MARCHF4: variants seen among roughly 807,000 people sequenced by gnomAD.
MARCHF4 encodes the protein membrane associated ring-CH-type finger 4.
In MARCHF4, 14 loss-of-function variants were observed where a neutral mutation model predicts 43.9. The observed-to-expected ratio is 0.32, with a 90% CI of 0.21 to 0.50. MARCHF4 has a LOEUF of 0.50. Ranked by LOEUF, MARCHF4 falls within the 20% of genes least tolerant of loss-of-function variation. MARCHF4 has a pLI of 0.98. For missense variants in MARCHF4, 468 were observed against 536.7 expected, an observed-to-expected ratio of 0.87 and a Z score of 1.27; for synonymous variants, 226 against 213.3, an observed-to-expected ratio of 1.06 and a Z score of -0.52.
intron 1 of MARCHF4, among the ~76,000 whole-genome samples, chr2:216,364,190 G>T (rs1692630758): frequency 6.6e-6 from 1 of 152,034 alleles, no homozygotes; most frequent in African/African-American, 2.4e-5. Flanking sequence ...CACACCTTTG[G>T]CATTTGACAC....
At chr2:216,288,732 G>A (rs1004152903) in intron 1 of MARCHF4, among the ~76,000 whole-genome samples, 1 of 152,104 alleles carries the variant, frequency 6.6e-6, no homozygotes, top group African/African-American at 2.4e-5. Flanking sequence ...GGTTGTGATG[G>A]AGGTGGTGGG....
chr2:216,259,704 CAG>C (rs1690710697), intron 3 of MARCHF4, 25 bp from the exon 4 acceptor site: 2 of 1,605,820 alleles, frequency 1.2e-6, no homozygotes, highest in East Asian at 2.2e-5. Flanking sequence ...AGAGGAGAAA[CAG>C]AGGCCAAATG....
intron 1 of MARCHF4, among the ~76,000 whole-genome samples, chr2:216,312,949 C>G (rs1691714361): frequency 6.6e-6 from 1 of 152,034 alleles, no homozygotes; most frequent in African/African-American, 2.4e-5. Context: ...ATTGTAAATT[C>G]TCTGCCTAGA....
At chr2:216,282,019 C>G (rs1184697135) in intron 2 of MARCHF4, among the ~76,000 whole-genome samples, 1 of 152,126 alleles carries the variant, frequency 6.6e-6, no homozygotes, top group Non-Finnish European at 1.5e-5. Context: ...CTGATCCTTT[C>G]TTGAGGCTTG....
chr2:216,311,385 G>C (rs1366289155), intron 1 of MARCHF4, among the ~76,000 whole-genome samples: 4 of 152,068 alleles, frequency 2.6e-5, no homozygotes, highest in Non-Finnish European at 5.9e-5. Context: ...ATCCTCCTGA[G>C]TAGCTGGGAT....
At chr2:216,350,082 C>T (rs1489261740) in intron 1 of MARCHF4, among the ~76,000 whole-genome samples, 2 of 152,130 alleles carry the variant, frequency 1.3e-5, no homozygotes, top group East Asian at 3.8e-4. Flanking sequence ...TGTGATACAA[C>T]ATGACCTCAC....
rs185058230 is a variant in MARCHF4, at chr2:216,282,886, C to T, written c.672+688G>A. 2.6e-5 allele frequency among the ~76,000 whole-genome samples: 4 copies of T among 152,302 alleles called. No homozygotes were observed. The East Asian group carries it at 5.8e-4, about 22-fold the overall frequency. On this transcript the variant is annotated intron_variant, in intron 2 of 3. Transcript: ENST00000273067. ...CTCTTATTCCCATTTTTCTCTGCCTCCCTCTCCTGTTTCTTCTGTTTTTCC... is the reference window on the plus strand; with the variant it reads ...CTCTTATTCCCATTTTTCTCTGCCTTCCTCTCCTGTTTCTTCTGTTTTTCC...
chr2:216,263,647 G>A (rs1690795270), intron 3 of MARCHF4, among the ~76,000 whole-genome samples: 1 of 152,154 alleles, frequency 6.6e-6, no homozygotes, highest in African/African-American at 2.4e-5. Context: ...AGAAGTAGTT[G>A]CGAGTGGTAA....
chr2:216,290,249 A>G (rs1324704133), intron 1 of MARCHF4, among the ~76,000 whole-genome samples: 1 of 152,156 alleles, frequency 6.6e-6, no homozygotes, highest in Non-Finnish European at 1.5e-5. Flanking sequence ...CAATGGAGGT[A>G]TTTGAGTGAA....
chr2:216,316,506 G>A (rs1269570075), intron 1 of MARCHF4, among the ~76,000 whole-genome samples: 1 of 152,152 alleles, frequency 6.6e-6, no homozygotes, highest in Non-Finnish European at 1.5e-5. Context: ...AGTGGAAGAA[G>A]GAAATTTCAT....
At chr2:216,289,564 T>C (rs886837429) in intron 1 of MARCHF4, among the ~76,000 whole-genome samples, 52 of 152,326 alleles carry the variant, frequency 3.4e-4, no homozygotes, top group African/African-American at 1.2e-3. Flanking sequence ...TCTCCATTTA[T>C]AGATTTCTTT....
chr2:216,260,853 A>G (rs56037542), intron 3 of MARCHF4, among the ~76,000 whole-genome samples: 24,938 of 152,188 alleles, frequency 0.16, 2,246 homozygotes, highest in South Asian at 0.27. Flanking sequence ...GGAAGCAGTG[A>G]TGTCATGCGG....
Position 216,289,236 on chromosome 2 carries a change from C to T in MARCHF4, c.517-5507G>A, listed in dbSNP as rs537551409. The stretch of plus-strand genomic sequence containing the variant: ...TTTGCCCTTTGTTTTCTTCCCCACC[C>T]GCCCCCCACCCAAGTTGCTGCCCAT... On this transcript the variant is annotated intron_variant, in intron 1 of 3. Coordinates refer to ENST00000273067, the MANE Select transcript of MARCHF4 (RefSeq NM_020814.3). 1.3e-4 allele frequency among the ~76,000 whole-genome samples: 17 copies of T among 128,532 alleles called. No individual in the cohort carries two copies. The East Asian group carries it at 1.6e-3, about 12-fold the overall frequency. The allele number at this position is 128,532 out of a possible 152,430, so 84.3% of individuals were successfully genotyped here.
chr2:216,259,679 C>T lies in MARCHF4; in HGVS notation c.866G>A (p.Gly289Asp), dbSNP rs1386800704. ...MYGFMDVVCI[G>D]LIIHEGPSVY... Reference sequence around the variant, plus strand: ...CGAGGGTCCTTCATGGATGATGAGACCTGAGGCAGCAGGGAGAGGAGAAAC... The same window carrying T: ...CGAGGGTCCTTCATGGATGATGAGATCTGAGGCAGCAGGGAGAGGAGAAAC... Residue 289 changes from glycine to aspartate, a missense_variant and splice_region_variant, in exon 4 of 4, where the codon GGT becomes GAT. By Grantham distance (94) the Gly-to-Asp change is moderately conservative. Coordinates refer to ENST00000273067, the MANE Select transcript of MARCHF4 (RefSeq NM_020814.3). 6.2e-7 allele frequency: 1 copy of T among 1,611,884 alleles called. No homozygotes were observed. Among genetic ancestry groups the T allele is most frequent in the Admixed American group, 1.7e-5 (1 of 59,978 alleles).
chr2:216,277,540 T>G, intron 3 of MARCHF4, 132 bp downstream of exon 3: 1 of 921,756 alleles, frequency 1.1e-6, no homozygotes. Flanking sequence ...CTCTGGCCTC[T>G]CCTGAGCTCC....
intron 3 of MARCHF4, chr2:216,265,599 AT>A (rs979936193): frequency 6.6e-6 from 1 of 151,554 alleles, no homozygotes; most frequent in Non-Finnish European, 1.5e-5. Flanking sequence ...GGTTCAAGTG[AT>A]TCTCCCGCCT....
chr2:216,293,914 G>A (rs1458733213), intron 1 of MARCHF4, among the ~76,000 whole-genome samples: 1 of 95,502 alleles, frequency 1.0e-5, no homozygotes, highest in Admixed American at 1.1e-4. Context: ...AATCATATCT[G>A]TATTTCTAAT....
intron 1 of MARCHF4, among the ~76,000 whole-genome samples, chr2:216,320,913 T>C (rs2105963610): frequency 6.8e-6 from 1 of 147,382 alleles, no homozygotes; most frequent in African/African-American, 2.5e-5. Context: ...ACTCCTGACC[T>C]CGTGATACAC....
chr2:216,324,293 T>A lies in MARCHF4; in HGVS notation c.517-40564A>T, dbSNP rs1222781998. ...GAAGTTGAATCTCTGAATAGACCAA[T>A]AACAGGAGCTGAAATTGTGGCAATA... On this transcript the variant is annotated intron_variant, in intron 1 of 3. Coordinates refer to ENST00000273067, the MANE Select transcript of MARCHF4 (RefSeq NM_020814.3). Among the ~76,000 whole-genome samples the A allele has an allele frequency of 4.8e-5, 7 of 146,472 alleles. No individual in the cohort carries two copies. The East Asian group carries it at 8.0e-4, about 17-fold the overall frequency.
Sources: gnomAD v4.1 joint callset for allele counts (sites outside exome capture counted in the v4.1 genomes callset) on GRCh38, gnomAD v4.1.1 for gene constraint, MANE v1.5 for transcripts, NCBI Gene and HGNC (gene_info 2026-07-23, HGNC 2026-07-21) for gene names.